Variants in SEM1 observed in about 807,000 individuals in gnomAD.
SEM1 encodes the protein 26S proteasome complex subunit SEM1.
A neutral mutation model predicts 12.7 loss-of-function variants in SEM1; 3 were observed. The ratio of observed to expected loss-of-function variants is 0.24; its 90% CI spans 0.11 to 0.61. SEM1 has a LOEUF of 0.61. SEM1 is among the 20% of genes least tolerant of loss of function. The probability of loss-of-function intolerance (pLI) is 0.88; values close to 1 mark genes in which losing one functional copy is unlikely to be tolerated. For synonymous variants in SEM1, 30 were observed against 27.8 expected (o/e 1.08, Z -0.25); for missense variants, 59 against 81.3 (o/e 0.73, Z 1.06).
At chr7:96,668,873 G>C (rs1197210497), downstream of SEM1, among the ~76,000 whole-genome samples, 5 of 152,152 alleles carry the variant, frequency 3.3e-5, no homozygotes, top group East Asian at 9.6e-4. Flanking sequence ...CATCAGACTA[G>C]TGTCCCTATA....
chr7:96,541,443 G>T (rs7782279), intron 2 of SEM1, among the ~76,000 whole-genome samples: 6,967 of 101,490 alleles, frequency 0.069, 238 homozygotes, highest in South Asian at 0.11. Context: ...TTTTTTTTTT[G>T]TTTTTTTTTT....
chr7:96,682,778 CA>C (rs1336487022), intron 2 of SEM1, among the ~76,000 whole-genome samples: 1 of 151,838 alleles, frequency 6.6e-6, no homozygotes. Context: ...GTCCATCTGA[CA>C]AAGGATACAT....
intron 2 of SEM1, among the ~76,000 whole-genome samples, chr7:96,550,793 G>A (rs1805244837): frequency 6.6e-6 from 1 of 152,176 alleles, no homozygotes. Context: ...AGTCTGAGGA[G>A]TGTGACACAC....
At chr7:96,521,584 C>A (rs1294944751) in intron 2 of SEM1, among the ~76,000 whole-genome samples, 1 of 152,146 alleles carries the variant, frequency 6.6e-6, no homozygotes, top group Non-Finnish European at 1.5e-5. Context: ...TACCCACACA[C>A]AACTCGGCAC....
chr7:96,665,478 TGA>T (rs1789145685), intron 2 of SEM1, among the ~76,000 whole-genome samples: 1 of 152,204 alleles, frequency 6.6e-6, no homozygotes, highest in Admixed American at 6.5e-5. Flanking sequence ...TCTAAACTTC[TGA>T]GAGAGTAAAT....
At chr7:96,587,258 G>C (rs1436489027) in intron 2 of SEM1, among the ~76,000 whole-genome samples, 2 of 152,112 alleles carry the variant, frequency 1.3e-5, no homozygotes, top group Admixed American at 6.5e-5. Context: ...AAGTATATTT[G>C]ATCACAGAAC....
At chr7:96,703,465 ATT>A (rs1330594018) in intron 1 of SEM1, among the ~76,000 whole-genome samples, 1 of 152,200 alleles carries the variant, frequency 6.6e-6, no homozygotes, top group Non-Finnish European at 1.5e-5. Context: ...CAAAATAAAA[ATT>A]ATATTATAAA....
chr7:96,497,296 G>C (rs1803327990), upstream of SEM1, among the ~76,000 whole-genome samples: 1 of 151,888 alleles, frequency 6.6e-6, no homozygotes, highest in African/African-American at 2.4e-5. Flanking sequence ...AATTTACCAA[G>C]TCATTCACAA....
downstream of SEM1, among the ~76,000 whole-genome samples, chr7:96,685,422 A>T (rs1789733476): frequency 6.6e-6 from 1 of 151,842 alleles, no homozygotes; most frequent in Non-Finnish European, 1.5e-5. Context: ...CATGGAGTAA[A>T]TTTGCAGCAA....
At chr7:96,673,351 G>A (rs1789370866), downstream of SEM1, 1 of 166,906 alleles carries the variant, frequency 6.0e-6, no homozygotes, top group African/African-American at 2.4e-5. Context: ...CTGACCTCAG[G>A]TGATCCACCT....
intron 2 of SEM1, among the ~76,000 whole-genome samples, chr7:96,651,134 A>G (rs747260301): frequency 6.6e-6 from 1 of 152,330 alleles, no homozygotes; most frequent in East Asian, 1.9e-4. Context: ...TAGTATTGCC[A>G]TAAATTCCCT....
intron 2 of SEM1, among the ~76,000 whole-genome samples, chr7:96,641,816 G>A (rs767149881): frequency 4.6e-5 from 7 of 151,112 alleles, no homozygotes; most frequent in African/African-American, 1.7e-4. Flanking sequence ...CCCTATTCTT[G>A]TGCTTTTTTT....
At chr7:96,616,201 A>G (rs1206332527) in intron 2 of SEM1, among the ~76,000 whole-genome samples, 1 of 151,970 alleles carries the variant, frequency 6.6e-6, no homozygotes, top group African/African-American at 2.4e-5. Flanking sequence ...CCTTGCCAAC[A>G]TTTATTGGTT....
chr7:96,501,824 G>A (rs1296215647), intron 3 of SEM1, among the ~76,000 whole-genome samples: 1 of 152,068 alleles, frequency 6.6e-6, no homozygotes, highest in South Asian at 2.1e-4. Context: ...CCATCACCCA[G>A]GTACTGAATG....
In SEM1 at chr7:96,636,985, G is replaced by A. The variant is rs573002837; in HGVS notation, c.171-14342C>T. Among the ~76,000 whole-genome samples the A allele has an allele frequency of 1.1e-4, 16 of 152,130 alleles. 1 individual carries two copies. In the South Asian group the frequency reaches 3.3e-3, roughly 31 times the overall value. Reference sequence around the variant, plus strand: ...AAATTGAGGCAAGTATTCTCTGAGTGGAAGGAGGAATAAAAGGAAAAAGAA... The same window carrying A: ...AAATTGAGGCAAGTATTCTCTGAGTAGAAGGAGGAATAAAAGGAAAAAGAA... On this transcript the variant is annotated intron_variant, in intron 2 of 2. Coordinates refer to the SEM1 transcript ENST00000417009.
chr7:96,532,102 G>A (rs1804660181), intron 2 of SEM1, among the ~76,000 whole-genome samples: 1 of 151,964 alleles, frequency 6.6e-6, no homozygotes, highest in African/African-American at 2.4e-5. Context: ...TGATATAGGG[G>A]CTGTATTAAT....
intron 3 of SEM1, chr7:96,506,507 T>A (rs968158077): frequency 6.6e-6 from 1 of 152,212 alleles, no homozygotes; most frequent in Middle Eastern, 3.4e-3. Context: ...CTTCAAAATG[T>A]CACCTAAGGA....
intron 2 of SEM1, among the ~76,000 whole-genome samples, chr7:96,612,007 G>A (rs745608437): frequency 3.6e-4 from 54 of 149,804 alleles, no homozygotes; most frequent in Non-Finnish European, 6.8e-4. Context: ...AATAAAAAAA[G>A]CATAGTATAA....
At chr7:96,684,413 G>C (rs944849228), downstream of SEM1, among the ~76,000 whole-genome samples, 11 of 151,910 alleles carry the variant, frequency 7.2e-5, no homozygotes, top group Non-Finnish European at 1.0e-4. Context: ...GTGTTGGCTT[G>C]CCTTGTGAAA....
Sources: gnomAD v4.1 joint callset for allele counts (sites outside exome capture counted in the v4.1 genomes callset) on GRCh38, gnomAD v4.1.1 for gene constraint, MANE v1.5 for transcripts, NCBI Gene and HGNC (gene_info 2026-07-23, HGNC 2026-07-21) for gene names.